Variants in MANSC1 observed in about 807,000 individuals in gnomAD.
The protein encoded by MANSC1 is MANSC domain-containing protein 1.
A neutral mutation model predicts 14.1 loss-of-function variants in MANSC1; 13 were observed. The ratio of observed to expected loss-of-function variants is 0.92; its 90% CI spans 0.60 to 1.46. The LOEUF (loss-of-function observed/expected upper bound fraction) is 1.46. Among genes scored for constraint, MANSC1 ranks in the 40% most tolerant of loss-of-function variants. MANSC1 has a pLI of 0.00. For missense variants in MANSC1, 486 were observed against 511.4 expected, an observed-to-expected ratio of 0.95 and a Z score of 0.48; for synonymous variants, 227 against 200.7, an observed-to-expected ratio of 1.13 and a Z score of -1.11.
intron 2 of MANSC1, chr12:12,338,931 C>A: frequency 5.5e-6 from 1 of 180,858 alleles, no homozygotes; most frequent in Non-Finnish European, 1.1e-5. Flanking sequence ...CTAAGACCTG[C>A]ATGTCACTTA....
chr12:12,349,974 G>A (rs903718564), intron 1 of MANSC1, 104 bp downstream of exon 1: 6 of 152,378 alleles, frequency 3.9e-5, no homozygotes, highest in Non-Finnish European at 2.9e-5. Context: ...CTCGGGTGTG[G>A]GTGAAGGAGC....
At position 12,330,855 on chromosome 12, in the gene MANSC1, A is replaced by C. The variant is rs778396081; in HGVS notation, c.468T>G (p.His156Gln). 3.1e-6 allele frequency: 5 copies of C among 1,614,042 alleles called. No individual in the cohort carries two copies. The highest frequency in any genetic ancestry group is 4.2e-6 in the Non-Finnish European group (5 of 1,179,948). ...CGGTGGGCTTTGAATAATCTGTGTGATGATGGGCTAGGGGAGTGACTGCTT... is the reference window on the plus strand; with the variant it reads ...CGGTGGGCTTTGAATAATCTGTGTGCTGATGGGCTAGGGGAGTGACTGCTT... ...FSQAVTPLAH[H>Q]HTDYSKPTDI... The change falls in exon 4 of 4, where the codon CAT becomes CAG. Residue 156 changes from histidine to glutamine, a missense_variant. Transcript: ENST00000535902.
chr12:12,332,714 T>A (rs1216899830), intron 3 of MANSC1, among the ~76,000 whole-genome samples: 1 of 151,986 alleles, frequency 6.6e-6, no homozygotes, highest in Non-Finnish European at 1.5e-5. Context: ...AGAGGTGAGG[T>A]TTCACCATGT....
At chr12:12,334,189 A>G (rs1862828152) in intron 3 of MANSC1, among the ~76,000 whole-genome samples, 1 of 151,812 alleles carries the variant, frequency 6.6e-6, no homozygotes, top group Non-Finnish European at 1.5e-5. Context: ...CAGGAGGTGG[A>G]GGCTGCAGTG....
rs145674763 is a variant in MANSC1 at position 12,350,197 on chromosome 12, C to T, written c.-220G>A. ...GTCTCGGCGAGGACCGCAGCGGATG[C>T]TCCGCAGCTCCCGCACCGGCCTGGC... On this transcript the variant is annotated 5_prime_UTR_variant, in exon 1 of 4. Coordinates refer to ENST00000535902, the MANE Select transcript of MANSC1 (RefSeq NM_018050.4). 1.7e-3 allele frequency: 266 copies of T among 152,368 alleles called. 1 individual carries two copies. The highest frequency in any genetic ancestry group is 3.7e-3 in the South Asian group (18 of 4,824). The allele number at this position is 152,368 out of a possible 1,614,324, so 9.4% of individuals were successfully genotyped here.
rs1002611590 is a variant in MANSC1 at position 12,328,030 on chromosome 12, T to G, written c.*1997A>C. On this transcript the variant is annotated 3_prime_UTR_variant, in exon 4 of 4. Coordinates refer to ENST00000535902, the MANE Select transcript of MANSC1 (RefSeq NM_018050.4). The stretch of plus-strand genomic sequence containing the variant: ...CACTGTATTAAGTTCGCATCTGAAT[T>G]CCATTTTTATCTTTAAAAACTCTGG... The G allele has an allele frequency of 6.6e-6, 1 of 152,178 alleles. No homozygotes were observed. Among genetic ancestry groups the G allele is most frequent in the Non-Finnish European group, 1.5e-5 (1 of 68,034 alleles). 9.4% of individuals were successfully genotyped at this position (152,178 alleles called of 1,614,324 possible). A position where few individuals can be genotyped will look rare whatever the true frequency, so the allele number is the denominator to read the frequency against.
intron 3 of MANSC1, among the ~76,000 whole-genome samples, chr12:12,333,030 G>A (rs551216493): frequency 6.9e-6 from 1 of 145,304 alleles, no homozygotes; most frequent in Non-Finnish European, 1.5e-5. Flanking sequence ...TGGGTCAAAT[G>A]AAATATATTT....
intron 3 of MANSC1, among the ~76,000 whole-genome samples, chr12:12,332,001 A>C (rs1348112232): frequency 6.6e-6 from 1 of 152,150 alleles, no homozygotes; most frequent in Non-Finnish European, 1.5e-5. Context: ...GCTGAGGAGA[A>C]ACCAGCCCCA....
chr12:12,336,225 C>T (rs1261089022), intron 3 of MANSC1, among the ~76,000 whole-genome samples: 1 of 152,184 alleles, frequency 6.6e-6, no homozygotes, highest in African/African-American at 2.4e-5. Flanking sequence ...TTGCATATCA[C>T]TCTCTGCGTA....
rs1592025990 is a variant in MANSC1 at position 12,327,321 on chromosome 12, C to T, written c.*2706G>A. On this transcript the variant is annotated 3_prime_UTR_variant, in exon 4 of 4. Coordinates refer to ENST00000535902, the MANE Select transcript of MANSC1 (RefSeq NM_018050.4). Reference sequence around the variant, plus strand: ...GAATTCCTCTAAGGGATTCCCCTACCCTGACTGCCCTTGCCACAGTTGCAC... The same window carrying T: ...GAATTCCTCTAAGGGATTCCCCTACTCTGACTGCCCTTGCCACAGTTGCAC... 1 of 152,372 alleles carries T rather than the reference C, an allele frequency of 6.6e-6. No individual in the cohort carries two copies. The highest frequency in any genetic ancestry group is 1.9e-4 in the East Asian group (1 of 5,184). The allele number at this position is 152,372 out of a possible 1,614,324, so 9.4% of individuals were successfully genotyped here. A position where few individuals can be genotyped will look rare whatever the true frequency, so the allele number is the denominator to read the frequency against.
intron 2 of MANSC1, chr12:12,338,867 G>T: frequency 9.2e-6 from 3 of 325,228 alleles, no homozygotes; most frequent in South Asian, 5.4e-5. Flanking sequence ...GGGCTGAAAG[G>T]CATCCACAAC....
At chr12:12,344,719 G>A (rs374051266) in intron 1 of MANSC1, among the ~76,000 whole-genome samples, 71 of 148,904 alleles carry the variant, frequency 4.8e-4, no homozygotes, top group African/African-American at 1.2e-3. Flanking sequence ...CGCCTGCCTC[G>A]GCCTCCCAAA....
In MANSC1 at chr12:12,330,337, G is replaced by A. The variant is rs756789498; in HGVS notation, c.986C>T (p.Thr329Ile). Residue 329 changes from threonine (T) to isoleucine (I), a missense_variant, in exon 4 of 4, where the codon ACT (threonine) becomes ATT (isoleucine). By Grantham distance (89) the Thr-to-Ile change is moderately conservative (BLOSUM62 -1). Coordinates refer to ENST00000535902, the MANE Select transcript of MANSC1 (RefSeq NM_018050.4). ...TIPFTEISNL[T>I]LNTGNVYNPT... ...GTTATACACATTCCCTGTGTTCAAA[G>A]TTAGGTTGGAGATTTCTGTAAACGG... 2 of 1,614,218 alleles carry A rather than the reference G, an allele frequency of 1.2e-6. No homozygotes were observed. The highest frequency in any genetic ancestry group is 1.7e-5 in the Admixed American group (1 of 60,014).
At chr12:12,342,582 TTG>T (rs1280039484) in intron 2 of MANSC1, among the ~76,000 whole-genome samples, 5,402 of 89,222 alleles carry the variant, frequency 0.061, 254 homozygotes, top group African/African-American at 0.077. Flanking sequence ...CAGTGTTTTT[TTG>T]TTTTTTTTTT....
At chr12:12,344,779 T>C (rs1862983795) in intron 1 of MANSC1, among the ~76,000 whole-genome samples, 1 of 150,260 alleles carries the variant, frequency 6.7e-6, no homozygotes, top group Non-Finnish European at 1.5e-5. Flanking sequence ...AGCCTATATC[T>C]TTCTCTTGAG....
In MANSC1 at chr12:12,327,248, A is replaced by G. The variant is rs1398916538; in HGVS notation, c.*2779T>C. ...TTCTACAAACCAAAGGAGGGGGCTC[A>G]TAACTCAATGGGCCTTGTGGGAAAG... On this transcript the variant is annotated 3_prime_UTR_variant, in exon 4 of 4. Coordinates refer to ENST00000535902, the MANE Select transcript of MANSC1 (RefSeq NM_018050.4). 3.9e-5 allele frequency: 6 copies of G among 152,368 alleles called. No individual in the cohort carries two copies. The highest frequency in any genetic ancestry group is 1.4e-4 in the African/African-American group (6 of 41,466). 9.4% of individuals were successfully genotyped at this position (152,368 alleles called of 1,614,324 possible).
chr12:12,343,238 C>G lies in MANSC1; in HGVS notation c.77G>C (p.Ser26Thr). ...TAGACTCTTTTTGAGGCAATTCTGA[C>G]TAGCAGACAGCCTTAGTGTCAGGAA... ...ICFLTLRLSA[S>T]QNCLKKSLED... Residue 26 changes from serine (S) to threonine (T), a missense_variant, in exon 2 of 4, where the codon AGT (serine) becomes ACT (threonine). Physicochemically the swap from Ser to Thr is moderately conservative, Grantham distance 58. Coordinates refer to ENST00000535902, the MANE Select transcript of MANSC1 (RefSeq NM_018050.4). 1 of 1,614,136 alleles carries G rather than the reference C, an allele frequency of 6.2e-7. No individual in the cohort carries two copies. The highest frequency in any genetic ancestry group is 2.2e-5 in the East Asian group (1 of 44,880).
At chr12:12,332,514 G>A (rs78028836) in intron 3 of MANSC1, among the ~76,000 whole-genome samples, 15,180 of 152,152 alleles carry the variant, frequency 0.1, 775 homozygotes, top group Non-Finnish European at 0.11. Flanking sequence ...TGGTTTTTAC[G>A]TTTTTTAAAA....
In MANSC1 at chr12:12,343,126, G is replaced by A; in HGVS notation, c.189C>T (p.Cys63=). ...EPVYTSTQED[C]INSCCSTKNI... ...TTTTTGTTGAACAGCAAGAATTAATGCAGTCTTCTTGAGTTGAAGTATATA... is the reference window on the plus strand; with the variant it reads ...TTTTTGTTGAACAGCAAGAATTAATACAGTCTTCTTGAGTTGAAGTATATA... The change falls in exon 2 of 4, where the codon TGC becomes TGT. Residue 63 remains cysteine, a synonymous_variant. Transcript: ENST00000535902. 6.2e-7 allele frequency: 1 copy of A among 1,613,308 alleles called. No individual in the cohort carries two copies. The highest frequency in any genetic ancestry group is 8.5e-7 in the Non-Finnish European group (1 of 1,179,266).
Sources: gnomAD v4.1 joint callset for allele counts (sites outside exome capture counted in the v4.1 genomes callset) on GRCh38, gnomAD v4.1.1 for gene constraint, MANE v1.5 for transcripts, NCBI Gene and HGNC (gene_info 2026-07-23, HGNC 2026-07-21) for gene names.